Variants in OR2L13 observed in about 807,000 individuals in gnomAD.
OR2L13 encodes olfactory receptor family 2 subfamily L member 13.
In OR2L13, 14 loss-of-function variants were observed where a neutral mutation model predicts 15.3. That is an observed-to-expected ratio of 0.91 (90% confidence interval 0.60 to 1.43). The LOEUF is 1.43. Ranked by LOEUF, OR2L13 falls within the 40% of genes most tolerant of loss-of-function variation. OR2L13 has a pLI of 0.00. For missense variants in OR2L13, 367 were observed against 387.9 expected, an observed-to-expected ratio of 0.95 and a Z score of 0.45; for synonymous variants, 152 against 142.9, an observed-to-expected ratio of 1.06 and a Z score of -0.45.
the OR2L13 span, among the ~76,000 whole-genome samples, chr1:248,029,598 A>G: frequency 6.6e-6 from 1 of 152,180 alleles, no homozygotes; most frequent in Admixed American, 6.5e-5. Context: ...TACCTAAAAT[A>G]TGTTAAAAGA....
chr1:247,986,852 G>A, the OR2L13 span, among the ~76,000 whole-genome samples: 4 of 152,036 alleles, frequency 2.6e-5, no homozygotes, highest in Non-Finnish European at 4.4e-5. Context: ...GTATTCCTAC[G>A]TATTTTATTC....
At chr1:247,984,206 G>C in the OR2L13 span, among the ~76,000 whole-genome samples, 2 of 150,218 alleles carry the variant, frequency 1.3e-5, no homozygotes, top group African/African-American at 5.0e-5. Context: ...AGTAGGAGGT[G>C]GGGGGAGGAG....
chr1:247,957,371 C>G, the OR2L13 span, among the ~76,000 whole-genome samples: 1 of 152,064 alleles, frequency 6.6e-6, no homozygotes, highest in Non-Finnish European at 1.5e-5. Context: ...ATTTTTGCGT[C>G]GATGTTCATC....
At chr1:247,966,038 T>C in the OR2L13 span, 1 of 1,614,110 alleles carries the variant, frequency 6.2e-7, no homozygotes, top group Non-Finnish European at 8.5e-7. Context: ...TATGCTCGTG[T>C]GCTTATTGTG....
At chr1:248,082,077 G>A in the OR2L13 span, among the ~76,000 whole-genome samples, 1 of 150,262 alleles carries the variant, frequency 6.7e-6, no homozygotes, top group East Asian at 2.0e-4. Flanking sequence ...CAATAGCAAA[G>A]ACTTGAAACC....
the OR2L13 span, among the ~76,000 whole-genome samples, chr1:248,043,085 C>A: frequency 1.2e-4 from 18 of 152,230 alleles, no homozygotes; most frequent in Admixed American, 4.6e-4. Context: ...CCATTCACAG[C>A]CCTAGAAACT....
At chr1:247,964,125 C>T in the OR2L13 span, among the ~76,000 whole-genome samples, 1 of 152,176 alleles carries the variant, frequency 6.6e-6, no homozygotes, top group African/African-American at 2.4e-5. Flanking sequence ...AATGTGTAAA[C>T]AGTGTACATT....
chr1:248,022,477 T>C, the OR2L13 span: 1 of 1,614,230 alleles, frequency 6.2e-7, no homozygotes, highest in African/African-American at 1.3e-5. Context: ...AATCATTTTT[T>C]CTGTGATGTT....
the OR2L13 span, among the ~76,000 whole-genome samples, chr1:247,989,087 A>C: frequency 6.6e-6 from 1 of 152,144 alleles, no homozygotes; most frequent in Non-Finnish European, 1.5e-5. Flanking sequence ...GTCTGCACTA[A>C]CTTAAGAATT....
the OR2L13 span, among the ~76,000 whole-genome samples, chr1:247,961,629 T>G: frequency 1.3e-5 from 2 of 152,084 alleles, no homozygotes; most frequent in Non-Finnish European, 2.9e-5. Flanking sequence ...CAATATTGGG[T>G]CAGAAATTTG....
At chr1:248,038,931 C>G in the OR2L13 span, 5 of 1,614,028 alleles carry the variant, frequency 3.1e-6, no homozygotes, top group Admixed American at 5.0e-5. Context: ...CCGGGTTCTC[C>G]TTGCTGTCTA....
the OR2L13 span, among the ~76,000 whole-genome samples, chr1:248,024,905 C>T: frequency 2.0e-5 from 3 of 152,078 alleles, no homozygotes; most frequent in Admixed American, 2.0e-4. Context: ...TTTTTGGTTC[C>T]ATATGAACTT....
chr1:248,080,856 T>C, the OR2L13 span, among the ~76,000 whole-genome samples: 1 of 152,224 alleles, frequency 6.6e-6, no homozygotes, highest in Non-Finnish European at 1.5e-5. Context: ...CCACACTGTC[T>C]TCACACTGGT....
At chr1:248,004,047 G>A in the OR2L13 span, 1 of 1,610,666 alleles carries the variant, frequency 6.2e-7, no homozygotes, top group South Asian at 1.1e-5. Context: ...GTGAGTCAGA[G>A]AATCTGCTCT....
At chr1:247,991,514 G>C in the OR2L13 span, among the ~76,000 whole-genome samples, 1 of 149,080 alleles carries the variant, frequency 6.7e-6, no homozygotes. Flanking sequence ...AGATAGACAA[G>C]AGTTTCCCTA....
chr1:248,050,203 C>T, the OR2L13 span, among the ~76,000 whole-genome samples: 10 of 151,838 alleles, frequency 6.6e-5, no homozygotes, highest in South Asian at 1.3e-3. Flanking sequence ...TTTTTCTGCT[C>T]GTTCTTTCCT....
chr1:248,021,990 G>A, the OR2L13 span: 2 of 1,613,730 alleles, frequency 1.2e-6, no homozygotes, highest in Non-Finnish European at 1.7e-6. Flanking sequence ...CATCTTATTG[G>A]GGCTGTTCCC....
upstream of OR2L13, among the ~76,000 whole-genome samples, chr1:248,095,607 C>CTTTTT (rs780686820): frequency 1.6e-3 from 61 of 37,302 alleles, 20 homozygotes; most frequent in East Asian, 0.018. Context: ...AAAGCTGCTG[C>CTTTTT]TTTTTTTTTT....
At chr1:247,958,653 T>G in the OR2L13 span, among the ~76,000 whole-genome samples, 1 of 152,192 alleles carries the variant, frequency 6.6e-6, no homozygotes, top group Non-Finnish European at 1.5e-5. Context: ...ATATTTAGGA[T>G]AGTTAGCTCT....
Sources: gnomAD v4.1 joint callset for allele counts (sites outside exome capture counted in the v4.1 genomes callset) on GRCh38, gnomAD v4.1.1 for gene constraint, MANE v1.5 for transcripts, NCBI Gene and HGNC (gene_info 2026-07-23, HGNC 2026-07-21) for gene names.